RIMS3: variants seen among roughly 807,000 people sequenced by gnomAD.
The protein encoded by RIMS3 is regulating synaptic membrane exocytosis 3, also known as regulating synaptic membrane exocytosis protein 3.
In RIMS3, 15 loss-of-function variants were observed where a neutral mutation model predicts 29.2. The observed-to-expected ratio is 0.51, with a 90% CI of 0.34 to 0.79. The LOEUF is 0.79. Ranked by LOEUF, RIMS3 falls within the 30% of genes least tolerant of loss-of-function variation. The probability of loss-of-function intolerance (pLI) is 0.01; values close to 1 mark genes in which losing one functional copy is unlikely to be tolerated. For synonymous variants in RIMS3, 161 were observed against 170.1 expected (o/e 0.95, Z 0.41); for missense variants, 342 against 421.4 (o/e 0.81, Z 1.65).
At chr1:40,650,029 G>C (rs1179104287) in intron 1 of RIMS3, among the ~76,000 whole-genome samples, 1 of 152,142 alleles carries the variant, frequency 6.6e-6, no homozygotes, top group Non-Finnish European at 1.5e-5. Flanking sequence ...AGGGCCTCAG[G>C]GCACCACATG....
the RIMS3 span, among the ~76,000 whole-genome samples, chr1:40,680,318 C>G: frequency 2.0e-5 from 3 of 147,038 alleles, no homozygotes; most frequent in African/African-American, 7.5e-5. Flanking sequence ...ACTGTACTCT[C>G]AAGAGTAAAT....
chr1:40,676,618 C>G, the RIMS3 span, among the ~76,000 whole-genome samples: 1 of 152,104 alleles, frequency 6.6e-6, no homozygotes, highest in Non-Finnish European at 1.5e-5. Flanking sequence ...CAGAGGATTT[C>G]AGTGCCAAAT....
the RIMS3 span, among the ~76,000 whole-genome samples, chr1:40,690,142 T>C: frequency 1.5e-4 from 23 of 152,248 alleles, no homozygotes; most frequent in Non-Finnish European, 2.8e-4. Context: ...ATAACAATAA[T>C]CACTAATAAT....
chr1:40,681,375 C>T, the RIMS3 span: 1 of 151,526 alleles, frequency 6.6e-6, no homozygotes, highest in Non-Finnish European at 1.5e-5. Context: ...TGGATTTTGA[C>T]CCCAGAACTG....
At chr1:40,648,354 G>A (rs1646608487) in intron 1 of RIMS3, among the ~76,000 whole-genome samples, 1 of 152,176 alleles carries the variant, frequency 6.6e-6, no homozygotes, top group African/African-American at 2.4e-5. Context: ...TCTCCCGGCT[G>A]GACTGGGGTC....
At chr1:40,683,962 TAG>T in the RIMS3 span, among the ~76,000 whole-genome samples, 2 of 152,338 alleles carry the variant, frequency 1.3e-5, no homozygotes, top group Admixed American at 6.5e-5. Flanking sequence ...CCTTCATTCA[TAG>T]AGTTACAGTA....
At chr1:40,670,574 T>TATATATATA (rs1642479702), upstream of RIMS3, among the ~76,000 whole-genome samples, 1 of 71,210 alleles carries the variant, frequency 1.4e-5, no homozygotes, top group Non-Finnish European at 2.4e-5. Flanking sequence ...AGTTATAATT[T>TATATATATA]TATATATATA....
the RIMS3 span, among the ~76,000 whole-genome samples, chr1:40,681,774 G>A: frequency 6.6e-6 from 1 of 152,098 alleles, no homozygotes; most frequent in Non-Finnish European, 1.5e-5. Context: ...AGAGTTTCCA[G>A]GTCAAAAAAG....
intron 1 of RIMS3, among the ~76,000 whole-genome samples, chr1:40,652,832 A>G (rs1642203910): frequency 6.6e-6 from 1 of 152,238 alleles, no homozygotes; most frequent in South Asian, 2.1e-4. Context: ...CAGCAGGAAG[A>G]GCAGCCAGGA....
intron 1 of RIMS3, among the ~76,000 whole-genome samples, chr1:40,655,055 T>A (rs752764124): frequency 6.6e-6 from 1 of 152,216 alleles, no homozygotes; most frequent in Non-Finnish European, 1.5e-5. Flanking sequence ...GCCCTGCTCA[T>A]GGGCCCTGAG....
At chr1:40,679,391 A>G in the RIMS3 span, among the ~76,000 whole-genome samples, 1 of 152,228 alleles carries the variant, frequency 6.6e-6, no homozygotes, top group Non-Finnish European at 1.5e-5. Context: ...TGTAGTTTTC[A>G]GGGTCCAGAG....
At chr1:40,673,905 T>C in the RIMS3 span, among the ~76,000 whole-genome samples, 6 of 151,698 alleles carry the variant, frequency 4.0e-5, no homozygotes, top group African/African-American at 1.2e-4. Flanking sequence ...CACAGGGGAG[T>C]TGTAAAGATT....
intron 1 of RIMS3, among the ~76,000 whole-genome samples, chr1:40,656,845 C>A (rs1368616181): frequency 6.6e-6 from 1 of 150,726 alleles, no homozygotes; most frequent in Non-Finnish European, 1.5e-5. Context: ...CTTGGACAAT[C>A]TTGGACTTGA....
intron 1 of RIMS3, among the ~76,000 whole-genome samples, chr1:40,650,771 T>C (rs12729200): frequency 7.5e-6 from 1 of 133,744 alleles, no homozygotes; most frequent in Non-Finnish European, 1.5e-5. Flanking sequence ...GAGGCTGAGG[T>C]GGGAGGATGG....
chr1:40,678,687 G>A, the RIMS3 span, among the ~76,000 whole-genome samples: 1 of 152,232 alleles, frequency 6.6e-6, no homozygotes, highest in Admixed American at 6.5e-5. Context: ...CTTTCCCTGT[G>A]CTTGCTCCAG....
At chr1:40,657,620 G>A (rs1389828904) in intron 1 of RIMS3, among the ~76,000 whole-genome samples, 1 of 151,904 alleles carries the variant, frequency 6.6e-6, no homozygotes, top group African/African-American at 2.4e-5. Context: ...GGTGGCATGA[G>A]CCTGTGGTCC....
At chr1:40,691,253 T>G in the RIMS3 span, 5 of 156,702 alleles carry the variant, frequency 3.2e-5, no homozygotes, top group African/African-American at 1.2e-4. Context: ...AAATGCTCTT[T>G]TATGAATTTA....
At position 40,636,050 on chromosome 1, in the gene RIMS3, G is replaced by A. The variant is rs1161915360; in HGVS notation, c.225C>T (p.Ala75=). ...GGATGTTGCTGCGCAGCTTCTTGGT[G>A]GCCCCTTCTGTGACCCCCCCAACCC... ...STLQLPQPEG[A]TKKLRSNIRR... The change falls in exon 4 of 8, where the codon GCC becomes GCT. Residue 75 remains alanine (A), a synonymous_variant. Transcript: ENST00000372684. This position sits in a 1 kb window ranked among gnomAD's most constrained non-coding sequence, Gnocchi z 4.2. 2 of 1,603,326 alleles carry A rather than the reference G, an allele frequency of 1.2e-6. No individual in the cohort carries two copies. Among genetic ancestry groups the A allele is most frequent in the Non-Finnish European group, 1.7e-6 (2 of 1,179,938 alleles).
chr1:40,627,402 G>A (rs1392197505), intron 7 of RIMS3, among the ~76,000 whole-genome samples: 1 of 151,532 alleles, frequency 6.6e-6, no homozygotes, highest in Non-Finnish European at 1.5e-5. Flanking sequence ...CTAATTTTTT[G>A]TATTTTTAGT....
Sources: allele counts gnomAD v4.1 joint callset (sites outside exome capture counted in the v4.1 genomes callset), GRCh38; gene constraint gnomAD v4.1.1; non-coding constraint Gnocchi (gnomAD v3.1); transcripts MANE v1.5; gene names NCBI Gene and HGNC (gene_info 2026-07-23, HGNC 2026-07-21).